Variants in MAF observed in about 807,000 individuals in gnomAD.
The protein encoded by MAF is transcription factor Maf.
Under a neutral mutation model 22.0 loss-of-function variants are expected in MAF, and 10 were observed. The ratio of observed to expected loss-of-function variants is 0.45; its 90% CI spans 0.28 to 0.77. The LOEUF (loss-of-function observed/expected upper bound fraction) is 0.77. MAF is among the 30% of genes least tolerant of loss of function. MAF has a pLI of 0.12. For missense variants in MAF, 544 were observed against 548.4 expected (o/e 0.99, Z 0.08); for synonymous variants, 337 against 255.8 (o/e 1.32, Z -3.03).
chr16:79,461,570 A>G, the MAF span, among the ~76,000 whole-genome samples: 9 of 152,326 alleles, frequency 5.9e-5, no homozygotes, highest in East Asian at 1.9e-4. Context: ...ACACACTCAC[A>G]TGGTACGTCT....
At chr16:79,276,849 G>A in the MAF span, among the ~76,000 whole-genome samples, 1 of 152,138 alleles carries the variant, frequency 6.6e-6, no homozygotes, top group East Asian at 1.9e-4. Flanking sequence ...AAATCGAGGT[G>A]TCGGCAGGGC....
chr16:79,432,713 G>C, the MAF span, among the ~76,000 whole-genome samples: 4 of 152,044 alleles, frequency 2.6e-5, no homozygotes, highest in Admixed American at 6.6e-5. Context: ...CCAATATGAT[G>C]TCCTCATAAA....
At chr16:79,355,078 T>C in the MAF span, among the ~76,000 whole-genome samples, 12 of 152,238 alleles carry the variant, frequency 7.9e-5, no homozygotes, top group African/African-American at 2.9e-4. Context: ...GATTAGTTTT[T>C]CCCCCTCATC....
the MAF span, among the ~76,000 whole-genome samples, chr16:79,471,591 G>A: frequency 6.6e-6 from 1 of 152,164 alleles, no homozygotes; most frequent in South Asian, 2.1e-4. Context: ...GTAGGAGGAT[G>A]GCTCCAGCCC....
the MAF span, among the ~76,000 whole-genome samples, chr16:79,539,737 T>A: frequency 1.3e-5 from 2 of 152,214 alleles, no homozygotes; most frequent in Non-Finnish European, 2.9e-5. Flanking sequence ...CAGCTTTGGA[T>A]AATGTTAATT....
the MAF span, among the ~76,000 whole-genome samples, chr16:79,565,522 T>C: frequency 6.6e-6 from 1 of 151,514 alleles, no homozygotes; most frequent in African/African-American, 2.4e-5. Context: ...GGGGGACCAG[T>C]TGGGAGGTGA....
chr16:79,242,261 C>T, the MAF span, among the ~76,000 whole-genome samples: 1 of 151,316 alleles, frequency 6.6e-6, no homozygotes, highest in African/African-American at 2.4e-5. Context: ...GATAAAGAGT[C>T]AAGACCCATA....
the MAF span, among the ~76,000 whole-genome samples, chr16:79,221,581 A>C: frequency 1.3e-5 from 2 of 152,200 alleles, no homozygotes; most frequent in African/African-American, 4.8e-5. Flanking sequence ...ATAATACAAA[A>C]CAGAGCTTCT....
chr16:79,223,866 T>A, the MAF span, among the ~76,000 whole-genome samples: 9 of 152,072 alleles, frequency 5.9e-5, no homozygotes, highest in Non-Finnish European at 2.9e-5. Flanking sequence ...AGGGAGTAAT[T>A]AATAGCCTAC....
chr16:79,213,630 T>A, the MAF span, among the ~76,000 whole-genome samples: 1 of 152,168 alleles, frequency 6.6e-6, no homozygotes, highest in Non-Finnish European at 1.5e-5. Flanking sequence ...GAACGGCTCC[T>A]GGGCTAGCCT....
At chr16:79,463,533 C>T in the MAF span, among the ~76,000 whole-genome samples, 1 of 152,120 alleles carries the variant, frequency 6.6e-6, no homozygotes, top group African/African-American at 2.4e-5. Context: ...CAAACAGATG[C>T]ACTAGTCCTG....
chr16:79,359,793 C>A, the MAF span, among the ~76,000 whole-genome samples: 1 of 152,032 alleles, frequency 6.6e-6, no homozygotes, highest in Admixed American at 6.5e-5. Flanking sequence ...AAAAGAGACA[C>A]TGGCATTCAG....
the MAF span, among the ~76,000 whole-genome samples, chr16:79,448,864 A>G: frequency 6.6e-6 from 1 of 151,994 alleles, no homozygotes; most frequent in Non-Finnish European, 1.5e-5. Flanking sequence ...GGAAGATAAT[A>G]TTTTCCCAGA....
the MAF span, among the ~76,000 whole-genome samples, chr16:79,534,295 C>T: frequency 6.6e-6 from 1 of 152,172 alleles, no homozygotes; most frequent in African/African-American, 2.4e-5. Context: ...CTTGGTTCTT[C>T]CTCCTGTGTC....
At chr16:79,598,613 GT>G (rs1300490195) in intron 1 of MAF, 171 bp downstream of exon 1, 10 of 1,413,636 alleles carry the variant, frequency 7.1e-6, no homozygotes, top group Non-Finnish European at 9.4e-6. Flanking sequence ...TGTGTGTGGT[GT>G]GTGCGTGCGG....
chr16:79,350,821 T>G, the MAF span, among the ~76,000 whole-genome samples: 4 of 152,144 alleles, frequency 2.6e-5, no homozygotes, highest in Non-Finnish European at 5.9e-5. Flanking sequence ...GCTCCTGGAA[T>G]GTCAGAGTTG....
At chr16:79,594,944 C>A in intron 1 of MAF, 1 of 1,106,564 alleles carries the variant, frequency 9.0e-7, no homozygotes, top group South Asian at 3.5e-5. Context: ...TTCTACACAA[C>A]TATATTTTCC....
At chr16:79,563,944 G>A in the MAF span, among the ~76,000 whole-genome samples, 10 of 152,184 alleles carry the variant, frequency 6.6e-5, no homozygotes, top group East Asian at 3.8e-4. Flanking sequence ...TTGGATGTTG[G>A]GAAAGCCAGC....
chr16:79,355,005 T>C, the MAF span, among the ~76,000 whole-genome samples: 1 of 149,554 alleles, frequency 6.7e-6, no homozygotes, highest in Non-Finnish European at 1.5e-5. Flanking sequence ...AGTCAGAAAT[T>C]GTTTCATAAC....
Sources: gnomAD v4.1 joint callset for allele counts (sites outside exome capture counted in the v4.1 genomes callset) on GRCh38, gnomAD v4.1.1 for gene constraint, MANE v1.5 for transcripts, NCBI Gene and HGNC (gene_info 2026-07-23, HGNC 2026-07-21) for gene names.